CASP5: variants seen among roughly 807,000 people sequenced by gnomAD.
The protein encoded by CASP5 is caspase-5.
In CASP5, 42 loss-of-function variants were observed where a neutral mutation model predicts 45.2. The observed-to-expected ratio is 0.93, with a 90% CI of 0.73 to 1.20. The LOEUF (loss-of-function observed/expected upper bound fraction) is 1.20, where lower values mean the gene tolerates loss of function less well. CASP5 is among the 50% of genes most tolerant of loss of function. The pLI is 0.00. For synonymous variants in CASP5, 209 were observed against 186.2 expected (o/e 1.12, Z -1.00); for missense variants, 512 against 532.2 (o/e 0.96, Z 0.37).
At chr11:105,012,260 G>C (rs1041972172) in intron 1 of CASP5, among the ~76,000 whole-genome samples, 3 of 151,648 alleles carry the variant, frequency 2.0e-5, no homozygotes, top group Non-Finnish European at 3.0e-5. Flanking sequence ...GCCCTTATCT[G>C]CCACCATATA....
At chr11:105,008,715 G>A in intron 2 of CASP5, 92 bp downstream of exon 2, 1 of 859,074 alleles carries the variant, frequency 1.2e-6, no homozygotes, top group Non-Finnish European at 1.9e-6. Context: ...AAGGAAGGAG[G>A]ATAGGGGGAT....
chr11:104,999,561 T>C (rs1367720705), intron 6 of CASP5, among the ~76,000 whole-genome samples: 1 of 152,170 alleles, frequency 6.6e-6, no homozygotes, highest in Non-Finnish European at 1.5e-5. Context: ...TTTTCAGTGT[T>C]CTTTCTAACT....
intron 1 of CASP5, among the ~76,000 whole-genome samples, chr11:105,022,680 A>G (rs1052318755): frequency 6.6e-6 from 1 of 152,138 alleles, no homozygotes; most frequent in Admixed American, 6.6e-5. Context: ...CTTTAAACAG[A>G]CCAATAAGAT....
intron 6 of CASP5, among the ~76,000 whole-genome samples, chr11:104,999,965 T>G (rs908431498): frequency 4.6e-5 from 7 of 152,234 alleles, no homozygotes; most frequent in African/African-American, 1.4e-4. Context: ...AGCTATCATG[T>G]AAATGATTCC....
chr11:105,006,108 C>G (rs1240718477), intron 3 of CASP5, among the ~76,000 whole-genome samples: 1 of 152,120 alleles, frequency 6.6e-6, no homozygotes, highest in Non-Finnish European at 1.5e-5. Flanking sequence ...CAAATTGAGT[C>G]CTTCCCTGGA....
rs7925164 is a variant in CASP5 at position 105,018,293 on chromosome 11, T to C, written c.7+4837A>G. ...CTAACATCATAATGACAGGATCAAA[T>C]TCACACATAACAATATTAACTTTAA... On this transcript the variant is annotated intron_variant, in intron 1 of 9. Coordinates refer to ENST00000260315, the MANE Select transcript of CASP5 (RefSeq NM_004347.5). 8.0e-3 allele frequency among the ~76,000 whole-genome samples: 1,201 copies of C among 150,288 alleles called. 17 individuals carry two copies. Among genetic ancestry groups the C allele is most frequent in the African/African-American group, 0.027 (1,122 of 40,866 alleles).
At chr11:105,019,281 C>T (rs1862810942) in intron 1 of CASP5, among the ~76,000 whole-genome samples, 1 of 149,980 alleles carries the variant, frequency 6.7e-6, no homozygotes, top group Non-Finnish European at 1.5e-5. Flanking sequence ...CAAAAGCTAG[C>T]AGAAGGCAAG....
At chr11:104,995,878 T>A in intron 8 of CASP5, 36 bp from the exon 9 acceptor site, 8 of 1,276,028 alleles carry the variant, frequency 6.3e-6, no homozygotes, top group South Asian at 1.2e-5. Flanking sequence ...TATGAGGGAT[T>A]TTGGGTTCTC....
At chr11:105,017,071 C>T (rs1001422479) in intron 1 of CASP5, among the ~76,000 whole-genome samples, 6 of 151,768 alleles carry the variant, frequency 4.0e-5, no homozygotes, top group Non-Finnish European at 2.9e-5. Flanking sequence ...CGGCCGGGTA[C>T]TCCAACAGAC....
chr11:105,009,842 CATATATAT>C (rs1381944892), intron 1 of CASP5, among the ~76,000 whole-genome samples: 1 of 130,666 alleles, frequency 7.7e-6, no homozygotes, highest in Non-Finnish European at 1.6e-5. Flanking sequence ...TATATATACA[CATATATAT>C]ACACATATAT....
Position 105,008,860 on chromosome 11 carries a change from G to A in CASP5, c.128C>T (p.Thr43Ile). ...ATTAGGTACTAGGGTCTGGATAGATGTTTGTCCAGCCACGTTGTTCTTTAG... is the reference window on the plus strand; with the variant it reads ...ATTAGGTACTAGGGTCTGGATAGATATTTGTCCAGCCACGTTGTTCTTTAG... ...HMLKNNVAGQ[T>I]SIQTLVPNTD... is the part of the protein sequence containing the mutation. Residue 43 changes from threonine (T) to isoleucine (I), a missense_variant, in exon 2 of 10, where the codon ACA becomes ATA. Physicochemically the swap from Thr to Ile is moderately conservative, Grantham distance 89. Transcript: ENST00000260315. 6.2e-7 allele frequency: 1 copy of A among 1,613,132 alleles called. No individual in the cohort carries two copies. The highest frequency in any genetic ancestry group is 8.5e-7 in the Non-Finnish European group (1 of 1,179,348).
At chr11:105,005,531 C>A (rs1861961307) in intron 3 of CASP5, among the ~76,000 whole-genome samples, 1 of 152,042 alleles carries the variant, frequency 6.6e-6, no homozygotes, top group Non-Finnish European at 1.5e-5. Context: ...TTCTAATAGC[C>A]CAGCCCACCC....
At chr11:105,003,446 G>A (rs1026235997) in intron 3 of CASP5, 63 bp from the exon 4 acceptor site, 1 of 812,166 alleles carries the variant, frequency 1.2e-6, no homozygotes. Context: ...TATCACCTAA[G>A]AACTTTGAGA....
At chr11:105,001,437 C>G (rs974492942) in intron 5 of CASP5, among the ~76,000 whole-genome samples, 1 of 152,098 alleles carries the variant, frequency 6.6e-6, no homozygotes, top group African/African-American at 2.4e-5. Context: ...GAGGCCAAGG[C>G]GGGCAGATCA....
At position 105,007,184 on chromosome 11, in the gene CASP5, T is replaced by C. The variant is rs1320665910; in HGVS notation, c.332A>G (p.Lys111Arg). The C allele has an allele frequency of 1.2e-6, 2 of 1,613,876 alleles. No individual in the cohort carries two copies. Among genetic ancestry groups the C allele is most frequent in the African/African-American group, 2.7e-5 (2 of 75,032 alleles). The change falls in exon 3 of 10, where the codon AAG becomes AGG. Residue 111 changes from lysine (K) to arginine (R), a missense_variant. Physicochemically the swap from Lys to Arg is conservative, Grantham distance 26. Transcript: ENST00000260315. ...KKYYDTKIED[K>R]ALILVDSLRK... ...CAAAGAGTCTACCAAGATCAGGGCC[T>C]TGTCTTCAATTTTGGTATCATAATA...
At position 105,007,199 on chromosome 11, in the gene CASP5, G is replaced by T; in HGVS notation, c.317C>A (p.Thr106Asn). Residue 106 changes from threonine (T) to asparagine (N), a missense_variant, in exon 3 of 10, where the codon ACC becomes AAC. Thr to Asn is a moderately conservative substitution (Grantham distance 65). Coordinates refer to ENST00000260315, the MANE Select transcript of CASP5 (RefSeq NM_004347.5). Reference sequence around the variant, plus strand: ...GATCAGGGCCTTGTCTTCAATTTTGGTATCATAATATTTTTTCTTTTCCTC... The same window carrying T: ...GATCAGGGCCTTGTCTTCAATTTTGTTATCATAATATTTTTTCTTTTCCTC... ...KEEEKKKYYDTKIEDKALILV... is the reference protein window; with the variant it reads ...KEEEKKKYYDNKIEDKALILV... 1 of 1,613,770 alleles carries T rather than the reference G, an allele frequency of 6.2e-7. No individual in the cohort carries two copies.
chr11:104,998,753 A>G, intron 7 of CASP5, 132 bp downstream of exon 7: 1 of 843,554 alleles, frequency 1.2e-6, no homozygotes, highest in Non-Finnish European at 1.8e-6. Flanking sequence ...ACATAAGATC[A>G]TGCAAAATAT....
At chr11:104,999,674 T>A (rs556451319) in intron 6 of CASP5, among the ~76,000 whole-genome samples, 1 of 152,298 alleles carries the variant, frequency 6.6e-6, no homozygotes, top group African/African-American at 2.4e-5. Context: ...AGTGAATTTA[T>A]CATGTCATTA....
At chr11:105,009,768 C>CTT in intron 1 of CASP5, among the ~76,000 whole-genome samples, 1 of 73,280 alleles carries the variant, frequency 1.4e-5, no homozygotes, top group African/African-American at 5.1e-5. Context: ...TACACACACA[C>CTT]ACGTATATAT....
Sources: gnomAD v4.1 joint callset for allele counts (sites outside exome capture counted in the v4.1 genomes callset) on GRCh38, gnomAD v4.1.1 for gene constraint, MANE v1.5 for transcripts, NCBI Gene and HGNC (gene_info 2026-07-23, HGNC 2026-07-21) for gene names.